The following QPCT variants were observed in gnomAD, a reference collection of about 807,000 sequenced individuals.
QPCT encodes the protein EC.
In QPCT, 44 loss-of-function variants were observed where a neutral mutation model predicts 43.4. The ratio of observed to expected loss-of-function variants is 1.01; its 90% CI spans 0.80 to 1.30. The LOEUF is 1.30. Among genes scored for constraint, QPCT ranks in the 50% most tolerant of loss-of-function variants. The pLI is 0.00. For synonymous variants in QPCT, 168 were observed against 168.4 expected (o/e 1.00, Z 0.02); for missense variants, 526 against 436.5 (o/e 1.21, Z -1.83).
chr2:37,369,222 A>T (rs567192683), intron 4 of QPCT, among the ~76,000 whole-genome samples: 1 of 152,344 alleles, frequency 6.6e-6, no homozygotes, highest in Admixed American at 6.5e-5. Flanking sequence ...CTCCTGTACA[A>T]GGAATTTTTC....
At chr2:37,352,228 G>A (rs1280881335) in intron 1 of QPCT, among the ~76,000 whole-genome samples, 2 of 151,916 alleles carry the variant, frequency 1.3e-5, no homozygotes, top group Non-Finnish European at 1.5e-5. Context: ...ATTAAAATTC[G>A]AGGACCCCTT....
At chr2:37,346,492 C>G (rs1481644872) in intron 1 of QPCT, among the ~76,000 whole-genome samples, 1 of 152,152 alleles carries the variant, frequency 6.6e-6, no homozygotes, top group Non-Finnish European at 1.5e-5. Flanking sequence ...CTGAACAAAC[C>G]ACTCTGAAAA....
At chr2:37,360,595 G>A (rs901505251) in intron 3 of QPCT, among the ~76,000 whole-genome samples, 1 of 152,112 alleles carries the variant, frequency 6.6e-6, no homozygotes, top group African/African-American at 2.4e-5. Context: ...TTTGTTCCCC[G>A]CTCAGAGCTT....
intron 1 of QPCT, among the ~76,000 whole-genome samples, chr2:37,352,109 G>A (rs922333954): frequency 4.0e-5 from 6 of 151,568 alleles, no homozygotes; most frequent in African/African-American, 1.2e-4. Flanking sequence ...TGAAAAAGGG[G>A]TAAAATTAAT....
intron 1 of QPCT, among the ~76,000 whole-genome samples, chr2:37,348,215 C>T (rs552054058): frequency 6.6e-6 from 1 of 152,134 alleles, no homozygotes; most frequent in East Asian, 1.9e-4. Context: ...GCCTTACCAT[C>T]TAGTTGGTAA....
intron 5 of QPCT, among the ~76,000 whole-genome samples, chr2:37,370,992 T>C (rs1673062740): frequency 6.6e-6 from 1 of 152,170 alleles, no homozygotes; most frequent in Non-Finnish European, 1.5e-5. Flanking sequence ...GTATTACTTC[T>C]AACAGTGGGA....
chr2:37,364,840 A>G (rs775542825), intron 3 of QPCT, among the ~76,000 whole-genome samples: 3 of 151,970 alleles, frequency 2.0e-5, no homozygotes, highest in Non-Finnish European at 4.4e-5. Context: ...TCGGCAGTGA[A>G]GTCAGGGCTG....
chr2:37,364,911 T>A (rs1672931813), intron 3 of QPCT, among the ~76,000 whole-genome samples: 1 of 150,710 alleles, frequency 6.6e-6, no homozygotes. Context: ...TGTGTGTGTA[T>A]TATTATAATA....
intron 1 of QPCT, among the ~76,000 whole-genome samples, chr2:37,345,070 G>A (rs566730456): frequency 3.0e-4 from 45 of 152,316 alleles, no homozygotes; most frequent in African/African-American, 1.1e-3. Flanking sequence ...ACGCCAGGGG[G>A]GCTGGGTGAT....
chr2:37,355,110 G>C (rs1007749546), intron 2 of QPCT, among the ~76,000 whole-genome samples: 11 of 152,210 alleles, frequency 7.2e-5, no homozygotes, highest in African/African-American at 2.7e-4. Flanking sequence ...TTTATGGACA[G>C]TATTTTAGAA....
In QPCT at chr2:37,359,724, G is replaced by A. The variant is rs79324791; in HGVS notation, c.412G>A (p.Ala138Thr). ...NPTAKRHLVL[A>T]CHYDSKYFSH... ...CACTGCTAAACGACATTTGGTCCTC[G>A]CCTGCCACTATGACTCCAAGTATTT... Residue 138 changes from alanine (A) to threonine (T), a missense_variant, in exon 3 of 7, where the codon GCC (alanine) becomes ACC (threonine). Transcript: ENST00000338415. The A allele has an allele frequency of 3.6e-5, 58 of 1,613,456 alleles. No individual in the cohort carries two copies. Among genetic ancestry groups the A allele is most frequent in the Non-Finnish European group, 4.7e-5 (55 of 1,179,986 alleles).
intron 2 of QPCT, among the ~76,000 whole-genome samples, chr2:37,355,466 C>A (rs1380243983): frequency 6.6e-6 from 1 of 151,420 alleles, no homozygotes; most frequent in Non-Finnish European, 1.5e-5. Flanking sequence ...AAGGTTGTAA[C>A]TAGAGAAGAT....
At chr2:37,356,809 C>T (rs1043981057) in intron 2 of QPCT, among the ~76,000 whole-genome samples, 1 of 152,026 alleles carries the variant, frequency 6.6e-6, no homozygotes, top group Admixed American at 6.6e-5. Context: ...AGATCGAGAC[C>T]ATCCCGGCCA....
chr2:37,371,441 A>AG (rs1006654157), intron 5 of QPCT, among the ~76,000 whole-genome samples: 7 of 151,516 alleles, frequency 4.6e-5, no homozygotes, highest in Non-Finnish European at 1.0e-4. Context: ...CAAAAAAAAA[A>AG]AAAAAAAAAA....
At chr2:37,370,246 CT>C (rs200611541) in intron 5 of QPCT, among the ~76,000 whole-genome samples, 2,422 of 152,066 alleles carry the variant, frequency 0.016, 65 homozygotes, top group African/African-American at 0.055. Context: ...ACTTTATTGG[CT>C]TTTTTTCTTG....
intron 1 of QPCT, among the ~76,000 whole-genome samples, chr2:37,349,879 G>T (rs372633226): frequency 7.2e-5 from 11 of 152,262 alleles, no homozygotes; most frequent in East Asian, 5.8e-4. Context: ...TCTTAGCAAA[G>T]ATAATTTTAG....
rs1478033377 is a variant in QPCT at position 37,352,927 on chromosome 2, G to C, written c.259G>C (p.Ala87Pro). 10 of 1,613,172 alleles carry C rather than the reference G, an allele frequency of 6.2e-6. No individual in the cohort carries two copies. Among genetic ancestry groups the C allele is most frequent in the Non-Finnish European group, 8.5e-6 (10 of 1,179,396 alleles). ...CCCGGGATCCCCTGGAAGCTATGCTGCTCGTCAGGTGAGAACATGGGACAC... is the reference window on the plus strand; with the variant it reads ...CCCGGGATCCCCTGGAAGCTATGCTCCTCGTCAGGTGAGAACATGGGACAC... ...RYPGSPGSYAARQHIMQRIQR... is the reference protein window; with the variant it reads ...RYPGSPGSYAPRQHIMQRIQR... Residue 87 changes from alanine to proline, a missense_variant, in exon 2 of 7, where the codon GCT (alanine) becomes CCT (proline). Transcript: ENST00000338415.
chr2:37,363,889 A>G (rs1015380954), intron 3 of QPCT, among the ~76,000 whole-genome samples: 1 of 152,112 alleles, frequency 6.6e-6, no homozygotes, highest in African/African-American at 2.4e-5. Context: ...AAATAAATAA[A>G]TCAATAAAAC....
chr2:37,347,040 C>A (rs1175981027), intron 1 of QPCT, among the ~76,000 whole-genome samples: 2 of 148,390 alleles, frequency 1.3e-5, no homozygotes, highest in African/African-American at 5.0e-5. Context: ...GTATTTGAAA[C>A]CTGGAAACAA....
Sources: gnomAD v4.1 joint callset for allele counts (sites outside exome capture counted in the v4.1 genomes callset) on GRCh38, gnomAD v4.1.1 for gene constraint, MANE v1.5 for transcripts, NCBI Gene and HGNC (gene_info 2026-07-23, HGNC 2026-07-21) for gene names.